The following CDK6 variants were observed in gnomAD, a reference collection of about 807,000 sequenced individuals.
CDK6 encodes the protein cyclin dependent kinase 6.
Under a neutral mutation model 37.1 loss-of-function variants are expected in CDK6, and 6 were observed. The ratio of observed to expected loss-of-function variants is 0.16; its 90% CI spans 0.09 to 0.32. The LOEUF (loss-of-function observed/expected upper bound fraction) is 0.32, where lower values mean the gene tolerates loss of function less well. Among genes scored for constraint, CDK6 ranks in the 10% least tolerant of loss-of-function variants. The pLI is 1.00. For synonymous variants in CDK6, 160 were observed against 161.3 expected (o/e 0.99, Z 0.06); for missense variants, 224 against 418.9 (o/e 0.53, Z 4.06).
chr7:92,687,357 A>G (rs1797481765), intron 4 of CDK6, among the ~76,000 whole-genome samples: 1 of 152,210 alleles, frequency 6.6e-6, no homozygotes, highest in African/African-American at 2.4e-5. Context: ...TATCTGACAC[A>G]CGGCAAGCAT....
At chr7:92,800,232 G>A (rs1020740009) in intron 2 of CDK6, among the ~76,000 whole-genome samples, 2 of 151,970 alleles carry the variant, frequency 1.3e-5, no homozygotes, top group African/African-American at 4.8e-5. Flanking sequence ...ATTTCAGGCC[G>A]CTTTACCCTC....
chr7:92,737,284 A>G (rs1182861157), intron 3 of CDK6, among the ~76,000 whole-genome samples: 1 of 152,244 alleles, frequency 6.6e-6, no homozygotes, highest in Non-Finnish European at 1.5e-5. Context: ...ATTAAGATCA[A>G]CAAACACAAC....
At position 92,607,022 on chromosome 7, in the gene CDK6, C is replaced by A. The variant is rs1379030031; in HGVS notation, c.*8118G>T. 7 of 233,202 alleles carry A rather than the reference C, an allele frequency of 3.0e-5. No individual in the cohort carries two copies. The East Asian group carries it at 4.2e-4, about 14-fold the overall frequency. 14.4% of individuals were successfully genotyped at this position (233,202 alleles called of 1,614,324 possible). ...TTTATAATAAATTATACAGGCAATC[C>A]TTGCTTTTTATTACCACACTGGATT... On this transcript the variant is annotated 3_prime_UTR_variant, in exon 8 of 8. Coordinates refer to ENST00000424848, the MANE Select transcript of CDK6 (RefSeq NM_001145306.2).
chr7:92,702,623 G>A (rs1562940589), intron 4 of CDK6, among the ~76,000 whole-genome samples: 1 of 152,132 alleles, frequency 6.6e-6, no homozygotes, highest in Admixed American at 6.5e-5. Context: ...CATGTCTGTT[G>A]CCTTGAAGAA....
intron 3 of CDK6, among the ~76,000 whole-genome samples, chr7:92,749,834 GA>G (rs749300760): frequency 2.0e-5 from 3 of 152,178 alleles, no homozygotes; most frequent in Non-Finnish European, 2.9e-5. Flanking sequence ...GATTACCAGG[GA>G]AATAGGATAA....
chr7:92,734,586 T>C (rs781017801), intron 3 of CDK6, among the ~76,000 whole-genome samples: 1 of 152,170 alleles, frequency 6.6e-6, no homozygotes, highest in Non-Finnish European at 1.5e-5. Flanking sequence ...AAATGCTCAA[T>C]GAGTTTTCAT....
chr7:92,641,676 T>A (rs1796308885), intron 5 of CDK6, among the ~76,000 whole-genome samples: 1 of 152,180 alleles, frequency 6.6e-6, no homozygotes, highest in Admixed American at 6.5e-5. Flanking sequence ...ATAAGATTTT[T>A]AAAAAACAGT....
chr7:92,807,509 A>G (rs1584108536), intron 2 of CDK6, among the ~76,000 whole-genome samples: 2 of 151,778 alleles, frequency 1.3e-5, no homozygotes, highest in Admixed American at 1.3e-4. Context: ...TCTATCTAAA[A>G]ATAAAATGTA....
chr7:92,782,309 A>G (rs2282995), intron 2 of CDK6, among the ~76,000 whole-genome samples: 16,031 of 152,234 alleles, frequency 0.11, 1,022 homozygotes, highest in South Asian at 0.29. Context: ...CATCCTATTA[A>G]GTAAACCACA....
At position 92,725,725 on chromosome 7, in the gene CDK6, T is replaced by C; in HGVS notation, c.438A>G (p.Leu146=). Residue 146 remains leucine (L), a synonymous_variant, in exon 4 of 8, where the codon CTA becomes CTG. Coordinates refer to ENST00000424848, the MANE Select transcript of CDK6 (RefSeq NM_001145306.2). ...LHSHRVVHRD[L]KPQNILVTSS... Reference sequence around the variant, plus strand: ...TGGTCACCAGAATGTTCTGTGGTTTTAGATCGCGATGCACTACTCGGTGTG... The same window carrying C: ...TGGTCACCAGAATGTTCTGTGGTTTCAGATCGCGATGCACTACTCGGTGTG... The C allele has an allele frequency of 6.2e-7, 1 of 1,614,128 alleles. No homozygotes were observed. Among genetic ancestry groups the C allele is most frequent in the African/African-American group, 1.3e-5 (1 of 75,050 alleles).
chr7:92,725,028 G>C, intron 4 of CDK6: 1 of 985,178 alleles, frequency 1.0e-6, no homozygotes, highest in Non-Finnish European at 1.2e-6. Context: ...AAAAGAAACA[G>C]GGTATCATAA....
intron 4 of CDK6, among the ~76,000 whole-genome samples, chr7:92,712,859 TATGTATGTATGTATGTATG>T (rs1562943796): frequency 6.6e-6 from 1 of 151,206 alleles, no homozygotes; most frequent in African/African-American, 2.5e-5. Flanking sequence ...TGTATGTATG[TATGTATGTATGTATGTATG>T]TATTTATTTA....
At chr7:92,644,686 G>A (rs1255772791) in intron 5 of CDK6, among the ~76,000 whole-genome samples, 2 of 152,200 alleles carry the variant, frequency 1.3e-5, no homozygotes, top group Non-Finnish European at 2.9e-5. Flanking sequence ...TGAAAAAGAG[G>A]AAGGAAAGCT....
chr7:92,644,659 C>T (rs1010261564), intron 5 of CDK6, among the ~76,000 whole-genome samples: 1 of 152,164 alleles, frequency 6.6e-6, no homozygotes, highest in Non-Finnish European at 1.5e-5. Context: ...ATTCCTTTCC[C>T]AAGGCCTGGT....
chr7:92,801,828 C>A (rs1394240091), intron 2 of CDK6, among the ~76,000 whole-genome samples: 1 of 151,924 alleles, frequency 6.6e-6, no homozygotes, highest in Non-Finnish European at 1.5e-5. Context: ...TGCCATGTTG[C>A]CCAGACTGGT....
At chr7:92,773,708 T>C (rs75747357) in intron 3 of CDK6, among the ~76,000 whole-genome samples, 6,302 of 152,238 alleles carry the variant, frequency 0.041, 426 homozygotes, top group African/African-American at 0.14. Flanking sequence ...AAATACAATA[T>C]TAATCTAAAA....
At chr7:92,791,816 A>G in intron 2 of CDK6, among the ~76,000 whole-genome samples, 1 of 152,146 alleles carries the variant, frequency 6.6e-6, no homozygotes, top group Non-Finnish European at 1.5e-5. Context: ...GTATGTAGGT[A>G]CACAGAAAAA....
Position 92,693,258 on chromosome 7 carries a change from A to C in CDK6, c.538-21723T>G, listed in dbSNP as rs1209721994. Among the ~76,000 whole-genome samples, 4 of 152,214 alleles carry C rather than the reference A, an allele frequency of 2.6e-5. No individual in the cohort carries two copies. In the East Asian group the frequency reaches 7.7e-4, roughly 29 times the overall value. ...ACCTGGGTTAAGAGAAAGAGATACAAGTAGAGAAAGAAATGGGGGTGCCTA... is the reference window on the plus strand; with the variant it reads ...ACCTGGGTTAAGAGAAAGAGATACACGTAGAGAAAGAAATGGGGGTGCCTA... On this transcript the variant is annotated intron_variant, in intron 4 of 7. Coordinates refer to ENST00000424848, the MANE Select transcript of CDK6 (RefSeq NM_001145306.2).
chr7:92,760,360 T>C (rs1584059328), intron 3 of CDK6, among the ~76,000 whole-genome samples: 1 of 152,322 alleles, frequency 6.6e-6, no homozygotes, highest in Non-Finnish European at 1.5e-5. Flanking sequence ...AAACATGTAC[T>C]GAATGTTTTT....
Sources: gnomAD v4.1 joint callset for allele counts (sites outside exome capture counted in the v4.1 genomes callset) on GRCh38, gnomAD v4.1.1 for gene constraint, MANE v1.5 for transcripts, NCBI Gene and HGNC (gene_info 2026-07-23, HGNC 2026-07-21) for gene names.